The following ZC3H12B variants were observed in gnomAD, a reference collection of about 807,000 sequenced individuals.
ZC3H12B encodes the protein probable ribonuclease ZC3H12B.
In ZC3H12B, 7 loss-of-function variants were observed where a neutral mutation model predicts 43.9. The observed-to-expected ratio is 0.16, with a 90% CI of 0.09 to 0.30. ZC3H12B has a LOEUF of 0.30. ZC3H12B is among the 10% of genes least tolerant of loss of function. The pLI is 1.00. For missense variants in ZC3H12B, 475 were observed against 670.2 expected (o/e 0.71, Z 3.22); for synonymous variants, 222 against 241.7 (o/e 0.92, Z 0.76).
chrX:65,183,721 T>G, the ZC3H12B span, among the ~76,000 whole-genome samples: 154 of 111,914 alleles, frequency 1.4e-3, 1 homozygote, highest in Admixed American at 2.9e-3. Context: ...GTTTGTTATC[T>G]GTCTTCCCAA....
chrX:65,178,882 C>T, the ZC3H12B span, among the ~76,000 whole-genome samples: 1 of 111,980 alleles, frequency 8.9e-6, no homozygotes, highest in Non-Finnish European at 1.9e-5. Flanking sequence ...ACCAGAAGTA[C>T]CTTTGACCAG....
At chrX:65,193,498 C>G in the ZC3H12B span, among the ~76,000 whole-genome samples, 1 of 111,585 alleles carries the variant, frequency 9.0e-6, no homozygotes, top group Admixed American at 9.5e-5. Flanking sequence ...CTTTTTATCT[C>G]TAATTTTATT....
intron 3 of ZC3H12B, among the ~76,000 whole-genome samples, chrX:65,471,642 G>A (rs1398016364): frequency 9.2e-6 from 1 of 108,528 alleles, no homozygotes; most frequent in Non-Finnish European, 1.9e-5. Context: ...GTAGAGACGG[G>A]GTTTCACCAT....
At chrX:65,106,102 G>A in the ZC3H12B span, among the ~76,000 whole-genome samples, 2 of 111,549 alleles carry the variant, frequency 1.8e-5, no homozygotes, top group African/African-American at 3.3e-5. Flanking sequence ...ATAGAGAGAT[G>A]TAAGCAATGG....
chrX:65,154,004 C>T, the ZC3H12B span, among the ~76,000 whole-genome samples: 1 of 111,170 alleles, frequency 9.0e-6, no homozygotes, highest in Non-Finnish European at 1.9e-5. Context: ...ACCGCATATT[C>T]TCACTCATAG....
chrX:65,298,145 A>T, the ZC3H12B span, among the ~76,000 whole-genome samples: 1 of 111,993 alleles, frequency 8.9e-6, no homozygotes, highest in African/African-American at 3.2e-5. Flanking sequence ...AAAGATAAAT[A>T]GGTGGGACTT....
chrX:65,267,273 AAC>A, the ZC3H12B span, among the ~76,000 whole-genome samples: 1 of 108,192 alleles, frequency 9.2e-6, no homozygotes. Context: ...AAGCTGACAA[AAC>A]ACAGTATTCA....
the ZC3H12B span, among the ~76,000 whole-genome samples, chrX:65,146,568 GT>G: frequency 9.0e-6 from 1 of 111,642 alleles, no homozygotes; most frequent in South Asian, 3.8e-4. Flanking sequence ...TGGTTTTCTG[GT>G]TTCTTCTCAT....
At chrX:65,201,533 G>A in the ZC3H12B span, among the ~76,000 whole-genome samples, 1 of 110,069 alleles carries the variant, frequency 9.1e-6, no homozygotes, top group Non-Finnish European at 1.9e-5. Flanking sequence ...GATTTTTTGT[G>A]CCTCTATCTT....
chrX:65,203,473 T>C, the ZC3H12B span, among the ~76,000 whole-genome samples: 1 of 110,617 alleles, frequency 9.0e-6, no homozygotes, highest in Non-Finnish European at 1.9e-5. Flanking sequence ...TGGGTCCTTT[T>C]CTTCAAGGTG....
the ZC3H12B span, among the ~76,000 whole-genome samples, chrX:65,084,692 A>T: frequency 8.9e-6 from 1 of 112,844 alleles, no homozygotes; most frequent in South Asian, 3.6e-4. Context: ...TATGCAGAAT[A>T]GTTTGGAGGC....
intron 3 of ZC3H12B, among the ~76,000 whole-genome samples, chrX:65,446,618 G>A (rs923993300): frequency 9.8e-5 from 11 of 111,698 alleles, no homozygotes; most frequent in South Asian, 3.7e-4. Context: ...GTTGCTTTCC[G>A]CTGTGACAGG....
intron 2 of ZC3H12B, among the ~76,000 whole-genome samples, chrX:65,382,756 C>G (rs1242528143): frequency 1.8e-5 from 2 of 111,849 alleles, no homozygotes; most frequent in African/African-American, 3.3e-5. Flanking sequence ...TCAGCAAAGT[C>G]TCAAAATATA....
chrX:65,229,766 C>CA, the ZC3H12B span, among the ~76,000 whole-genome samples: 1 of 104,190 alleles, frequency 9.6e-6, no homozygotes, highest in Non-Finnish European at 2.0e-5. Flanking sequence ...TTTATGCAGC[C>CA]AAAAAACACA....
the ZC3H12B span, among the ~76,000 whole-genome samples, chrX:65,136,715 A>T: frequency 9.0e-6 from 1 of 111,332 alleles, no homozygotes; most frequent in Admixed American, 9.6e-5. Context: ...ACCCAGGGGA[A>T]CTCATTGCTG....
At chrX:65,135,859 A>T in the ZC3H12B span, among the ~76,000 whole-genome samples, 1 of 91,720 alleles carries the variant, frequency 1.1e-5, no homozygotes, top group Non-Finnish European at 2.1e-5. Context: ...TATTTCAGTT[A>T]TTTTTCAGTT....
At chrX:65,304,117 A>G in the ZC3H12B span, among the ~76,000 whole-genome samples, 1 of 112,417 alleles carries the variant, frequency 8.9e-6, no homozygotes, top group Non-Finnish European at 1.9e-5. Context: ...TATAGGACTT[A>G]CAATGTCATC....
chrX:65,216,823 TG>T, the ZC3H12B span, among the ~76,000 whole-genome samples: 5 of 112,189 alleles, frequency 4.5e-5, no homozygotes, highest in African/African-American at 1.3e-4. Flanking sequence ...TCTTTTCCTT[TG>T]TATGGTATTT....
the ZC3H12B span, among the ~76,000 whole-genome samples, chrX:65,284,761 CA>C: frequency 6.9e-4 from 62 of 89,548 alleles, no homozygotes; most frequent in African/African-American, 1.1e-3. Context: ...AACTCCATCT[CA>C]AAAAAAAAAA....
Sources: gnomAD v4.1 joint callset for allele counts (sites outside exome capture counted in the v4.1 genomes callset) on GRCh38, gnomAD v4.1.1 for gene constraint, MANE v1.5 for transcripts, NCBI Gene and HGNC (gene_info 2026-07-23, HGNC 2026-07-21) for gene names.